PCGF3: variants seen among roughly 807,000 people sequenced by gnomAD.
PCGF3 encodes the protein polycomb group RING finger protein 3.
Under a neutral mutation model 33.1 loss-of-function variants are expected in PCGF3, and 7 were observed. The ratio of observed to expected loss-of-function variants is 0.21; its 90% CI spans 0.12 to 0.40. The LOEUF (loss-of-function observed/expected upper bound fraction) is 0.40. PCGF3 is among the 10% of genes least tolerant of loss of function. The pLI, the probability that PCGF3 is intolerant of heterozygous loss-of-function variation, is 1.00. For synonymous variants in PCGF3, 153 were observed against 121.3 expected, an observed-to-expected ratio of 1.26 and a Z score of -1.72; for missense variants, 211 against 313.3, an observed-to-expected ratio of 0.67 and a Z score of 2.46.
At chr4:766,634 A>C (rs949705490) in exon 11 of PCGF3, 6 of 152,384 alleles carry the variant, frequency 3.9e-5, no homozygotes, top group African/African-American at 1.4e-4. Context: ...ATTATGATTT[A>C]ACCATTGTAT....
exon 11 of PCGF3, chr4:767,976 T>C (rs1745453533): frequency 6.5e-6 from 1 of 152,684 alleles, no homozygotes; most frequent in Admixed American, 6.5e-5. Context: ...AAGAAAGGAT[T>C]AAACAGTTAC....
At chr4:718,619 C>T (rs569488126) in intron 1 of PCGF3, among the ~76,000 whole-genome samples, 382 of 152,374 alleles carry the variant, frequency 2.5e-3, no homozygotes, top group African/African-American at 8.8e-3. Context: ...CACAGTGCCA[C>T]GGTCCACGGA....
chr4:752,010 C>T lies in PCGF3; in HGVS notation c.462+7322C>T, dbSNP rs554668365. 3.2e-4 allele frequency among the ~76,000 whole-genome samples: 48 copies of T among 152,362 alleles called. 1 individual carries two copies. The highest frequency in any genetic ancestry group is 9.1e-4 in the African/African-American group (38 of 41,596). On this transcript the variant is annotated intron_variant, in intron 8 of 10. Coordinates refer to ENST00000362003, the Ensembl canonical transcript of PCGF3. ...TAGTCATCGCTGAGCAACGCAAAAG[C>T]GTGTCGGGTTTATTTACTCACAACG...
chr4:712,758 T>TATTA (rs1577393543), intron 1 of PCGF3, among the ~76,000 whole-genome samples: 1 of 152,268 alleles, frequency 6.6e-6, no homozygotes, highest in African/African-American at 2.4e-5. Context: ...TAAACTCTAA[T>TATTA]ATTTAGGTGC....
intron 1 of PCGF3, among the ~76,000 whole-genome samples, chr4:718,474 G>C (rs1005226082): frequency 1.3e-5 from 2 of 152,170 alleles, no homozygotes; most frequent in South Asian, 4.1e-4. Context: ...GCAAATATTT[G>C]TATAAACACT....
intron 9 of PCGF3, 54 bp downstream of exon 9, chr4:761,470 G>T: frequency 6.7e-7 from 1 of 1,493,336 alleles, no homozygotes; most frequent in Non-Finnish European, 9.0e-7. Flanking sequence ...TATTTCTAAA[G>T]GTAACTCCAA....
intron 3 of PCGF3, 65 bp from the exon 4 acceptor site, chr4:733,607 G>T: frequency 6.7e-7 from 1 of 1,501,752 alleles, no homozygotes; most frequent in Non-Finnish European, 9.0e-7. Context: ...GGCTGTCAGA[G>T]CTCAGCCAAG....
intron 5 of PCGF3, among the ~76,000 whole-genome samples, chr4:736,104 A>G (rs933171356): frequency 2.6e-4 from 40 of 151,940 alleles, no homozygotes; most frequent in African/African-American, 6.8e-4. Context: ...CTGGAGTGCA[A>G]TGGCGCCATC....
At chr4:757,385 G>A (rs36031899) in intron 8 of PCGF3, 32,869 of 152,184 alleles carry the variant, frequency 0.22, 3,651 homozygotes, top group African/African-American at 0.26. Flanking sequence ...TTATAGAGAC[G>A]TGAAGCCCAC....
At chr4:735,195 G>A (rs985423284) in intron 5 of PCGF3, among the ~76,000 whole-genome samples, 168 bp downstream of exon 5, 1 of 152,196 alleles carries the variant, frequency 6.6e-6, no homozygotes, top group South Asian at 2.1e-4. Context: ...TGGGTCCAGC[G>A]CTCACCAGGC....
At chr4:763,884 G>A (rs925406326) in intron 9 of PCGF3, among the ~76,000 whole-genome samples, 1 of 152,184 alleles carries the variant, frequency 6.6e-6, no homozygotes, top group East Asian at 1.9e-4. Flanking sequence ...GAAAAGAAAT[G>A]AGCAGTCGGG....
chr4:739,529 A>G (rs1013893490), intron 6 of PCGF3, among the ~76,000 whole-genome samples: 1 of 152,106 alleles, frequency 6.6e-6, no homozygotes, highest in African/African-American at 2.4e-5. Context: ...AGAGAATACC[A>G]CTGACTCACG....
intron 9 of PCGF3, chr4:762,057 C>T: frequency 1.0e-6 from 1 of 985,290 alleles, no homozygotes; most frequent in Non-Finnish European, 1.2e-6. Flanking sequence ...TGGGGGCGGT[C>T]AGGGTGGAGA....
intron 9 of PCGF3, chr4:761,971 T>C: frequency 1.0e-6 from 1 of 985,270 alleles, no homozygotes; most frequent in Non-Finnish European, 1.2e-6. Context: ...GTGTCGTTTT[T>C]GAAAATCGCT....
chr4:728,235 A>G (rs552679137), intron 1 of PCGF3, among the ~76,000 whole-genome samples: 4 of 152,360 alleles, frequency 2.6e-5, no homozygotes, highest in South Asian at 2.1e-4. Flanking sequence ...AACCAAAACA[A>G]TAACAAATAA....
chr4:769,486 T>TA (rs1484753815), exon 11 of PCGF3: 1 of 152,736 alleles, frequency 6.5e-6, no homozygotes, highest in Non-Finnish European at 1.5e-5. Flanking sequence ...CACATGACCT[T>TA]AACATGATCA....
intron 8 of PCGF3, among the ~76,000 whole-genome samples, chr4:751,812 C>A (rs1417716107): frequency 6.6e-6 from 1 of 152,004 alleles, no homozygotes; most frequent in Non-Finnish European, 1.5e-5. Flanking sequence ...CTCAGAGCAG[C>A]CGAGGCTCAG....
At chr4:758,242 C>T (rs991112592) in intron 8 of PCGF3, among the ~76,000 whole-genome samples, 2 of 151,968 alleles carry the variant, frequency 1.3e-5, no homozygotes, top group African/African-American at 2.4e-5. Flanking sequence ...GCACCCCCAC[C>T]GCGGCTCTCA....
At chr4:764,880 G>C (rs1198413882) in intron 9 of PCGF3, 104 bp from the exon 10 acceptor site, 2 of 736,064 alleles carry the variant, frequency 2.7e-6, no homozygotes, top group East Asian at 2.6e-5. Flanking sequence ...GCACGTTCTT[G>C]CATGATTGGG....
Sources: allele counts gnomAD v4.1 joint callset (sites outside exome capture counted in the v4.1 genomes callset), GRCh38; gene constraint gnomAD v4.1.1; transcripts MANE v1.5; gene names NCBI Gene and HGNC (gene_info 2026-07-23, HGNC 2026-07-21).